Variants in CEP350 observed in about 807,000 individuals in gnomAD.
CEP350 encodes the protein centrosome-associated protein 350.
CEP350 carries 126 observed loss-of-function variants against 331.8 expected under a neutral mutation model. The ratio of observed to expected loss-of-function variants is 0.38; its 90% confidence interval spans 0.33 to 0.44. CEP350 has a LOEUF of 0.44. Among genes scored for constraint, CEP350 ranks in the 20% least tolerant of loss-of-function variants. The pLI is 1.00. For synonymous variants in CEP350, 1,200 were observed against 1,259.5 expected, an observed-to-expected ratio of 0.95 and a Z score of 1.00; for missense variants, 3,406 against 3,634.6, an observed-to-expected ratio of 0.94 and a Z score of 1.62.
intron 12 of CEP350, among the ~76,000 whole-genome samples, chr1:180,021,742 G>A (rs1655337712): frequency 6.6e-6 from 1 of 152,096 alleles, no homozygotes; most frequent in South Asian, 2.1e-4. Flanking sequence ...GAATTGAGAG[G>A]GATAAATGTA....
chr1:179,975,718 A>G (rs975078979), intron 1 of CEP350, among the ~76,000 whole-genome samples: 3 of 152,180 alleles, frequency 2.0e-5, no homozygotes, highest in African/African-American at 7.2e-5. Context: ...GAAGATAGAT[A>G]ATGAATTTAT....
intron 3 of CEP350, among the ~76,000 whole-genome samples, 200 bp downstream of exon 3, chr1:179,987,486 T>G (rs925034038): frequency 6.8e-6 from 1 of 147,818 alleles, no homozygotes; most frequent in Non-Finnish European, 1.5e-5. Flanking sequence ...TATATACTTA[T>G]ATACATAGTA....
At chr1:180,071,191 C>T (rs1308858278) in intron 27 of CEP350, among the ~76,000 whole-genome samples, 1 of 149,246 alleles carries the variant, frequency 6.7e-6, no homozygotes, top group Non-Finnish European at 1.5e-5. Context: ...GGCACGGTGG[C>T]TCATACCTGT....
chr1:180,075,204 A>G lies in CEP350; in HGVS notation c.5750A>G (p.Gln1917Arg). Residue 1917 changes from glutamine (Q) to arginine (R), a missense_variant, in exon 28 of 38, where the codon CAG becomes CGG. Gln to Arg is a conservative substitution (Grantham distance 43). Coordinates refer to ENST00000367607, the MANE Select transcript of CEP350 (RefSeq NM_014810.5). ...PKTPKKELED[Q>R]RTEQKEIASE... ...ACTCCTAAGAAAGAACTGGAGGACC[A>G]GAGAACAGAACAGAAAGGTAATAAA... is the stretch of plus-strand genomic sequence containing the variant. The G allele has an allele frequency of 1.2e-6, 2 of 1,611,786 alleles. No individual in the cohort carries two copies. Among genetic ancestry groups the G allele is most frequent in the South Asian group, 1.1e-5 (1 of 90,608 alleles).
At chr1:180,074,487 C>T (rs1057314602) in intron 27 of CEP350, among the ~76,000 whole-genome samples, 1 of 151,984 alleles carries the variant, frequency 6.6e-6, no homozygotes, top group African/African-American at 2.4e-5. Context: ...AATGAAGAAA[C>T]AAAACTCATT....
Position 180,111,344 on chromosome 1 carries a change from A to C in CEP350, c.*183A>C. 1 of 666,328 alleles carries C rather than the reference A, an allele frequency of 1.5e-6. No individual in the cohort carries two copies. The highest frequency in any genetic ancestry group is 2.4e-6 in the Non-Finnish European group (1 of 412,246). 41.3% of individuals were successfully genotyped at this position (666,328 alleles called of 1,614,324 possible). On this transcript the variant is annotated 3_prime_UTR_variant, in exon 38 of 38. Transcript: ENST00000367607. Reference sequence around the variant, plus strand: ...CTGGTATTACAGCCTTTGCCTTTCGAGACTATCCACTGGATTAATGGGTTA... The same window carrying C: ...CTGGTATTACAGCCTTTGCCTTTCGCGACTATCCACTGGATTAATGGGTTA...
chr1:180,073,063 T>C (rs1472032473), intron 27 of CEP350, among the ~76,000 whole-genome samples: 1 of 152,220 alleles, frequency 6.6e-6, no homozygotes, highest in Non-Finnish European at 1.5e-5. Flanking sequence ...TTTAACCTTA[T>C]GATTGAGCTG....
intron 37 of CEP350, among the ~76,000 whole-genome samples, chr1:180,099,420 C>T (rs900746693): frequency 2.6e-5 from 4 of 152,138 alleles, no homozygotes; most frequent in African/African-American, 9.7e-5. Context: ...GTGTAAAGCA[C>T]TTAGAATAGT....
chr1:180,024,636 TA>T, intron 14 of CEP350, 54 bp downstream of exon 14: 2 of 1,531,248 alleles, frequency 1.3e-6, no homozygotes, highest in Non-Finnish European at 1.8e-6. Flanking sequence ...TTTGTTGTAG[TA>T]ATCTAAAGTT....
Position 179,980,947 on chromosome 1 carries a change from G to A in CEP350, c.-13-5222G>A, listed in dbSNP as rs538082462. ...ATACAATATATGTTTAAAAGAAAGT[G>A]ATCCACAAAGCTGAGAATTAAAAGG... On this transcript the variant is annotated intron_variant, in intron 1 of 37. Transcript: ENST00000367607. Among the ~76,000 whole-genome samples, 35 of 152,184 alleles carry A rather than the reference G, an allele frequency of 2.3e-4. 1 individual carries two copies. The South Asian group carries it at 7.2e-3, about 32-fold the overall frequency.
chr1:180,044,147 T>C lies in CEP350; in HGVS notation c.4596T>C (p.Ser1532=), dbSNP rs140135821. 556 of 1,568,072 alleles carry C rather than the reference T, an allele frequency of 3.5e-4. 7 individuals carry two copies. In the East Asian group the frequency reaches 0.013, roughly 36 times the overall value. The part of the protein sequence containing the change: ...YSASYDSYSE[S]SGYKNHDRRS... Reference sequence around the variant, plus strand: ...CTTCATATGATAGTTATTCTGAGTCTTCAGGATACAAGAATCATGATAGAA... The same window carrying C: ...CTTCATATGATAGTTATTCTGAGTCCTCAGGATACAAGAATCATGATAGAA... The change falls in exon 21 of 38, where the codon TCT becomes TCC. Residue 1532 remains serine, a synonymous_variant. Transcript: ENST00000367607.
At chr1:180,101,678 C>T (rs1205801870) in intron 37 of CEP350, among the ~76,000 whole-genome samples, 1 of 152,172 alleles carries the variant, frequency 6.6e-6, no homozygotes, top group Non-Finnish European at 1.5e-5. Context: ...CCCCTGCCCC[C>T]TCCACACACA....
intron 37 of CEP350, among the ~76,000 whole-genome samples, chr1:180,103,251 G>GTCTT: frequency 6.6e-6 from 1 of 152,352 alleles, no homozygotes; most frequent in Non-Finnish European, 1.5e-5. Context: ...GAGAAGAGAA[G>GTCTT]ATGGAGCTGC....
At chr1:179,981,585 C>T (rs1438940030) in intron 1 of CEP350, among the ~76,000 whole-genome samples, 1 of 152,150 alleles carries the variant, frequency 6.6e-6, no homozygotes, top group African/African-American at 2.4e-5. Flanking sequence ...AACAGACCAA[C>T]TTTAACACAT....
At position 179,996,846 on chromosome 1, in the gene CEP350, A is replaced by G. The variant is rs921426138; in HGVS notation, c.689A>G (p.Lys230Arg). 3.7e-6 allele frequency: 6 copies of G among 1,613,716 alleles called. No homozygotes were observed. The Admixed American group carries it at 6.7e-5, about 18-fold the overall frequency. ...RTEEEMPNRT[K>R]GSENNLKLSV... is the part of the protein sequence containing the mutation. ...GAGGAAGAAATGCCTAACAGAACAA[A>G]AGGAAGTGAGAATAATTTGAAGCTT... The change falls in exon 6 of 38, where the codon AAA becomes AGA. Residue 230 changes from lysine to arginine, a missense_variant. Lys to Arg is a conservative substitution (Grantham distance 26). Around this residue, in one of 5 missense-constraint regions of CEP350, gnomAD observed 1,857 missense variants for 1,909.2 expected, o/e 0.97. Coordinates refer to ENST00000367607, the MANE Select transcript of CEP350 (RefSeq NM_014810.5).
At chr1:180,028,196 A>C (rs938851486) in intron 14 of CEP350, among the ~76,000 whole-genome samples, 9 of 152,222 alleles carry the variant, frequency 5.9e-5, no homozygotes, top group African/African-American at 2.2e-4. Flanking sequence ...AGACTCATCA[A>C]CACTGTAATA....
intron 30 of CEP350, among the ~76,000 whole-genome samples, 170 bp downstream of exon 30, chr1:180,080,831 A>C (rs1659520454): frequency 6.6e-6 from 1 of 151,182 alleles, no homozygotes; most frequent in African/African-American, 2.4e-5. Flanking sequence ...CATATTGAAT[A>C]TATCGAGTTA....
chr1:179,992,920 G>T (rs1483111351), intron 5 of CEP350, among the ~76,000 whole-genome samples: 1 of 151,892 alleles, frequency 6.6e-6, no homozygotes, highest in Non-Finnish European at 1.5e-5. Flanking sequence ...GCATTTTTTG[G>T]TGTTTTAAAC....
At chr1:179,987,393 T>A in intron 3 of CEP350, 107 bp downstream of exon 3, 1 of 399,818 alleles carries the variant, frequency 2.5e-6, no homozygotes, top group East Asian at 5.5e-5. Flanking sequence ...ATACTATATA[T>A]TACTATAGAA....
Sources: allele counts gnomAD v4.1 joint callset (sites outside exome capture counted in the v4.1 genomes callset), GRCh38; gene constraint gnomAD v4.1.1; regional missense constraint gnomAD v4.1.1; transcripts MANE v1.5; gene names NCBI Gene and HGNC (gene_info 2026-07-23, HGNC 2026-07-21).